BCAS1: variants seen among roughly 807,000 people sequenced by gnomAD.
BCAS1 encodes brain enriched myelin associated protein 1.
A neutral mutation model predicts 65.4 loss-of-function variants in BCAS1; 46 were observed. The observed-to-expected ratio is 0.70, with a 90% CI of 0.55 to 0.90. The LOEUF (loss-of-function observed/expected upper bound fraction) is 0.90, where lower values mean the gene tolerates loss of function less well. BCAS1 is among the 40% of genes least tolerant of loss of function. BCAS1 has a pLI of 0.00. For missense variants in BCAS1, 793 were observed against 771.2 expected (o/e 1.03, Z -0.33); for synonymous variants, 298 against 293.5 (o/e 1.02, Z -0.16).
chr20:54,037,009 C>T (rs1380082762), intron 3 of BCAS1, among the ~76,000 whole-genome samples: 1 of 151,060 alleles, frequency 6.6e-6, no homozygotes, highest in Non-Finnish European at 1.5e-5. Context: ...TGCACACACA[C>T]ACGTTTGTAT....
chr20:53,977,189 A>G (rs208371), intron 8 of BCAS1, among the ~76,000 whole-genome samples: 110,737 of 152,056 alleles, frequency 0.73, 40,712 homozygotes, highest in East Asian at 0.94. Flanking sequence ...AACTTCCCCC[A>G]TGATCCAATC....
intron 8 of BCAS1, among the ~76,000 whole-genome samples, chr20:53,980,979 C>T (rs369283034): frequency 2.4e-4 from 36 of 152,314 alleles, no homozygotes; most frequent in African/African-American, 7.2e-4. Flanking sequence ...TTAAAATCTA[C>T]GGGATCCTGT....
chr20:53,966,817 T>C, intron 10 of BCAS1, 89 bp downstream of exon 10: 1 of 1,254,294 alleles, frequency 8.0e-7, no homozygotes, highest in Non-Finnish European at 1.1e-6. Context: ...GCTACAATTA[T>C]GTCTCCTACT....
At chr20:53,960,380 T>C (rs1211324962) in intron 10 of BCAS1, among the ~76,000 whole-genome samples, 1 of 150,706 alleles carries the variant, frequency 6.6e-6, no homozygotes, top group South Asian at 2.1e-4. Context: ...AAGGCTGTGT[T>C]GACAGCAGCT....
chr20:53,951,421 A>C (rs2089521638), intron 12 of BCAS1, among the ~76,000 whole-genome samples: 1 of 152,234 alleles, frequency 6.6e-6, no homozygotes. Context: ...CGGTGAGCCG[A>C]GATTGCACCA....
intron 4 of BCAS1, among the ~76,000 whole-genome samples, chr20:54,012,818 G>T (rs1768366051): frequency 6.6e-6 from 1 of 152,172 alleles, no homozygotes; most frequent in East Asian, 1.9e-4. Context: ...TGCACAGAAA[G>T]AATAAATAAC....
chr20:54,039,090 C>T (rs2091946869), intron 3 of BCAS1, among the ~76,000 whole-genome samples: 1 of 151,350 alleles, frequency 6.6e-6, no homozygotes, highest in African/African-American at 2.4e-5. Flanking sequence ...CAAAAATGAC[C>T]CTTCAATGGT....
chr20:53,983,737 CTA>C (rs1201044856), intron 8 of BCAS1, among the ~76,000 whole-genome samples: 1 of 152,236 alleles, frequency 6.6e-6, no homozygotes, highest in Non-Finnish European at 1.5e-5. Flanking sequence ...AATCTGTACT[CTA>C]TGATTCTCCA....
intron 10 of BCAS1, among the ~76,000 whole-genome samples, chr20:53,959,310 G>A (rs796116482): frequency 1.6e-4 from 25 of 151,674 alleles, no homozygotes; most frequent in African/African-American, 6.0e-4. Flanking sequence ...CTGGAGTGCA[G>A]TGGCATGATC....
intron 4 of BCAS1, among the ~76,000 whole-genome samples, chr20:54,011,275 TA>T: frequency 6.6e-6 from 1 of 152,180 alleles, no homozygotes; most frequent in East Asian, 1.9e-4. Context: ...AAGATCCTGT[TA>T]AAAAGATGAA....
intron 4 of BCAS1, among the ~76,000 whole-genome samples, chr20:54,015,393 A>G (rs1325267636): frequency 6.6e-6 from 1 of 152,120 alleles, no homozygotes; most frequent in Non-Finnish European, 1.5e-5. Flanking sequence ...AGGTCAATAA[A>G]TATATATTAA....
chr20:53,971,822 G>T (rs1385938332), intron 9 of BCAS1, among the ~76,000 whole-genome samples: 1 of 152,130 alleles, frequency 6.6e-6, no homozygotes, highest in African/African-American at 2.4e-5. Context: ...GGTCTTACAG[G>T]TTATTGGAAG....
intron 4 of BCAS1, among the ~76,000 whole-genome samples, chr20:54,021,854 C>G (rs2299716): frequency 6.6e-6 from 1 of 152,048 alleles, no homozygotes; most frequent in African/African-American, 2.4e-5. Context: ...CTGGGGTACA[C>G]GTGCACGTCA....
At chr20:53,984,924 C>T (rs939207245) in intron 8 of BCAS1, among the ~76,000 whole-genome samples, 3 of 152,162 alleles carry the variant, frequency 2.0e-5, no homozygotes, top group Admixed American at 1.3e-4. Flanking sequence ...GGTAGTTCAT[C>T]TTGCCAGAGT....
At position 53,945,000 on chromosome 20, in the gene BCAS1, G is replaced by C. The variant is rs1180236430; in HGVS notation, c.1816-4C>G. 6.2e-7 allele frequency: 1 copy of C among 1,613,964 alleles called. No individual in the cohort carries two copies. Among genetic ancestry groups the C allele is most frequent in the Admixed American group, 1.7e-5 (1 of 60,010 alleles). The stretch of plus-strand genomic sequence containing the variant: ...CATCCAACATCCGCTTTGGTCCCTG[G>C]AGAAAAACAGAAAGACGTGGCAGCC... On this transcript the variant is annotated splice_region_variant and splice_polypyrimidine_tract_variant and intron_variant, in intron 12 of 12. Transcript: ENST00000688948.
intron 6 of BCAS1, 98 bp downstream of exon 6, chr20:53,994,914 C>T: frequency 1.1e-6 from 1 of 920,938 alleles, no homozygotes; most frequent in Non-Finnish European, 1.7e-6. Flanking sequence ...CACACACACA[C>T]ACATATATGT....
chr20:53,982,110 T>A (rs3819589), intron 8 of BCAS1, among the ~76,000 whole-genome samples: 50,062 of 152,070 alleles, frequency 0.33, 8,919 homozygotes, highest in African/African-American at 0.44. Context: ...GGAGGGTCTT[T>A]GAGTGGTCAA....
chr20:54,036,810 T>TAAAA (rs2091907406), intron 3 of BCAS1, among the ~76,000 whole-genome samples: 1 of 151,462 alleles, frequency 6.6e-6, no homozygotes, highest in African/African-American at 2.4e-5. Flanking sequence ...ATTCCAATAG[T>TAAAA]TTAATTTACA....
At position 53,985,354 on chromosome 20, in the gene BCAS1, G is replaced by T. The variant is rs145843325; in HGVS notation, c.1208C>A (p.Ala403Glu). The T allele has an allele frequency of 1.9e-6, 3 of 1,613,880 alleles. No individual in the cohort carries two copies. Among genetic ancestry groups the T allele is most frequent in the Non-Finnish European group, 2.5e-6 (3 of 1,179,952 alleles). The change falls in exon 8 of 13, where the codon GCG (alanine) becomes GAG (glutamate). Residue 403 changes from alanine (A) to glutamate (E), a missense_variant. Coordinates refer to ENST00000688948, the MANE Select transcript of BCAS1 (RefSeq NM_001366298.2). ...HTQSVTTPEP[A>E]KEGTKEKSGP... ...TGATTTCTCCTTGGTGCCTTCCTTC[G>T]CAGGTTCAGGGGTTGTCACGGACTG...
Sources: gnomAD v4.1 joint callset for allele counts (sites outside exome capture counted in the v4.1 genomes callset) on GRCh38, gnomAD v4.1.1 for gene constraint, MANE v1.5 for transcripts, NCBI Gene and HGNC (gene_info 2026-07-23, HGNC 2026-07-21) for gene names.